The following MPP7 variants were observed in gnomAD, a reference collection of about 807,000 sequenced individuals.
The protein encoded by MPP7 is MAGUK p55 scaffold protein 7, also known as MAGUK p55 subfamily member 7.
MPP7 carries 60 observed loss-of-function variants against 76.5 expected under a neutral mutation model. That is an observed-to-expected ratio of 0.78 (90% CI 0.64 to 0.97). The LOEUF is 0.97. MPP7 is among the 50% of genes least tolerant of loss of function. The probability of loss-of-function intolerance (pLI) is 0.00; values close to 1 mark genes in which losing one functional copy is unlikely to be tolerated. For missense variants in MPP7, 641 were observed against 694.0 expected, an observed-to-expected ratio of 0.92 and a Z score of 0.86; for synonymous variants, 237 against 244.5, an observed-to-expected ratio of 0.97 and a Z score of 0.29.
chr10:28,235,476 T>C (rs1839042739), intron 2 of MPP7, among the ~76,000 whole-genome samples: 1 of 151,906 alleles, frequency 6.6e-6, no homozygotes, highest in African/African-American at 2.4e-5. Context: ...ACTCAGAAAA[T>C]ATATGTAATG....
At chr10:28,160,538 T>C (rs573306586) in intron 3 of MPP7, among the ~76,000 whole-genome samples, 4 of 152,102 alleles carry the variant, frequency 2.6e-5, no homozygotes, top group Non-Finnish European at 5.9e-5. Flanking sequence ...ATCAGGAAAA[T>C]AGTTTAGACC....
intron 2 of MPP7, among the ~76,000 whole-genome samples, chr10:28,213,808 A>C (rs978189033): frequency 7.2e-6 from 1 of 139,710 alleles, no homozygotes; most frequent in East Asian, 2.0e-4. Flanking sequence ...AAAAAAAAAA[A>C]AAGAGAGAGA....
chr10:28,131,755 A>T (rs1432922085), intron 5 of MPP7, 64 bp from the exon 6 acceptor site: 1 of 887,114 alleles, frequency 1.1e-6, no homozygotes, highest in Admixed American at 4.7e-5. Flanking sequence ...TATGTAATAT[A>T]TATAAAATTT....
intron 12 of MPP7, among the ~76,000 whole-genome samples, chr10:28,081,079 G>T (rs1852738162): frequency 6.6e-6 from 1 of 152,192 alleles, no homozygotes; most frequent in African/African-American, 2.4e-5. Flanking sequence ...CAGCACATAA[G>T]ATTCAGCACA....
intron 2 of MPP7, among the ~76,000 whole-genome samples, chr10:28,230,568 C>A (rs1433673284): frequency 1.3e-5 from 2 of 152,176 alleles, no homozygotes; most frequent in Admixed American, 6.5e-5. Flanking sequence ...AATCCCAGCA[C>A]TTTGGGAAGC....
chr10:28,295,630 T>C (rs140269165), intron 1 of MPP7, among the ~76,000 whole-genome samples: 109 of 152,260 alleles, frequency 7.2e-4, no homozygotes, highest in African/African-American at 2.6e-3. Context: ...ACAGAGAAAC[T>C]GTCCAAGAGT....
At chr10:28,141,680 T>C (rs1403780669) in intron 5 of MPP7, among the ~76,000 whole-genome samples, 1 of 152,012 alleles carries the variant, frequency 6.6e-6, no homozygotes, top group African/African-American at 2.4e-5. Context: ...TAGCAGGAAA[T>C]AGTCCAGGGT....
intron 2 of MPP7, among the ~76,000 whole-genome samples, chr10:28,311,759 T>TACACACAC (rs112717112): frequency 0.011 from 1,630 of 148,700 alleles, 8 homozygotes; most frequent in Non-Finnish European, 0.017. Flanking sequence ...GATGTGTTAA[T>TACACACAC]ACACACACAC....
intron 1 of MPP7, among the ~76,000 whole-genome samples, chr10:28,285,856 T>A (rs940690709): frequency 5.3e-5 from 8 of 152,122 alleles, no homozygotes; most frequent in African/African-American, 1.4e-4. Flanking sequence ...TTTTTTTTTT[T>A]ATTTAATTAT....
chr10:28,155,923 G>C (rs1246246458), intron 3 of MPP7, among the ~76,000 whole-genome samples: 1 of 152,096 alleles, frequency 6.6e-6, no homozygotes, highest in Non-Finnish European at 1.5e-5. Flanking sequence ...CCCCAAATCT[G>C]TTGTGAAATC....
intron 9 of MPP7, 62 bp downstream of exon 9, chr10:28,120,532 G>A: frequency 6.5e-7 from 1 of 1,534,112 alleles, no homozygotes; most frequent in Non-Finnish European, 9.0e-7. Context: ...GTGGATATGT[G>A]TTGGATGGAA....
chr10:28,285,688 G>A (rs963616652), intron 1 of MPP7, among the ~76,000 whole-genome samples: 2 of 152,054 alleles, frequency 1.3e-5, no homozygotes, highest in Non-Finnish European at 2.9e-5. Flanking sequence ...ACCTGACTGG[G>A]GTGAGAAGTA....
intron 1 of MPP7, among the ~76,000 whole-genome samples, chr10:28,274,968 A>G (rs1840445961): frequency 6.6e-6 from 1 of 152,246 alleles, no homozygotes; most frequent in African/African-American, 2.4e-5. Flanking sequence ...ATCTGCCCAG[A>G]GCTTAACACA....
intron 6 of MPP7, among the ~76,000 whole-genome samples, chr10:28,129,455 T>C (rs1835123197): frequency 6.6e-6 from 1 of 152,086 alleles, no homozygotes; most frequent in African/African-American, 2.4e-5. Flanking sequence ...GACTGCTTAC[T>C]GGGTTATCAT....
At chr10:28,263,145 C>CAT (rs1487354546) in intron 1 of MPP7, among the ~76,000 whole-genome samples, 2 of 152,154 alleles carry the variant, frequency 1.3e-5, no homozygotes, top group Non-Finnish European at 2.9e-5. Flanking sequence ...TACCTGACCA[C>CAT]ATATAAATCA....
intron 1 of MPP7, among the ~76,000 whole-genome samples, chr10:28,249,852 C>T (rs12269079): frequency 0.016 from 2,441 of 152,206 alleles, 71 homozygotes; most frequent in African/African-American, 0.053. Flanking sequence ...CTTCTCTTCT[C>T]GCATGGAGAA....
At chr10:28,315,688 C>T (rs564554279) in intron 2 of MPP7, among the ~76,000 whole-genome samples, 2 of 152,214 alleles carry the variant, frequency 1.3e-5, no homozygotes, top group Non-Finnish European at 2.9e-5. Flanking sequence ...AATTTTAAAT[C>T]ATTTATGTAA....
chr10:28,121,132 T>C (rs971853437), intron 8 of MPP7, among the ~76,000 whole-genome samples: 1 of 152,036 alleles, frequency 6.6e-6, no homozygotes, highest in Non-Finnish European at 1.5e-5. Context: ...GCAAAACCCC[T>C]GTCTCTACAA....
At chr10:28,173,046 T>C (rs1461840638) in intron 3 of MPP7, among the ~76,000 whole-genome samples, 5 of 151,872 alleles carry the variant, frequency 3.3e-5, no homozygotes, top group Non-Finnish European at 7.4e-5. Context: ...AAATAAAATG[T>C]TTGATCGACT....
Sources: gnomAD v4.1 joint callset for allele counts (sites outside exome capture counted in the v4.1 genomes callset) on GRCh38, gnomAD v4.1.1 for gene constraint, MANE v1.5 for transcripts, NCBI Gene and HGNC (gene_info 2026-07-23, HGNC 2026-07-21) for gene names.